PIKFYVE: variants seen among roughly 807,000 people sequenced by gnomAD.
PIKFYVE encodes 1-phosphatidylinositol 3-phosphate 5-kinase.
In PIKFYVE, 122 loss-of-function variants were observed where a neutral mutation model predicts 257.9. The ratio of observed to expected loss-of-function variants is 0.47; its 90% CI spans 0.41 to 0.55. The LOEUF (loss-of-function observed/expected upper bound fraction) is 0.55. Among genes scored for constraint, PIKFYVE ranks in the 20% least tolerant of loss-of-function variants. PIKFYVE has a pLI of 0.00. For missense variants in PIKFYVE, 2,160 were observed against 2,536.6 expected (o/e 0.85, Z 3.19); for synonymous variants, 892 against 868.9 (o/e 1.03, Z -0.47).
At chr2:208,299,187 A>G (rs1693371156) in intron 8 of PIKFYVE, among the ~76,000 whole-genome samples, 1 of 152,202 alleles carries the variant, frequency 6.6e-6, no homozygotes, top group African/African-American at 2.4e-5. Flanking sequence ...ATAGCATATC[A>G]GTTAAACAGA....
chr2:208,295,515 A>G (rs367786406), intron 7 of PIKFYVE, among the ~76,000 whole-genome samples: 3 of 152,200 alleles, frequency 2.0e-5, no homozygotes, highest in East Asian at 1.9e-4. Context: ...CTGTAACAGT[A>G]TCTTAGTCTT....
rs575979546 is a variant in PIKFYVE at position 208,294,557 on chromosome 2, G to A, written c.912-4084G>A. 2.3e-4 allele frequency among the ~76,000 whole-genome samples: 35 copies of A among 152,276 alleles called. No homozygotes were observed. The South Asian group carries it at 6.8e-3, about 30-fold the overall frequency. ...ATGTAGTGATAGGATGTAGGGGGAG[G>A]TTAAGTGGTCTCTAGTCCTGTGAAT... On this transcript the variant is annotated intron_variant, in intron 7 of 41. Transcript: ENST00000264380.
Position 208,315,318 on chromosome 2 carries a change from A to T in PIKFYVE, c.1952A>T (p.Asp651Val). 6.2e-7 allele frequency: 1 copy of T among 1,614,192 alleles called. No individual in the cohort carries two copies. The highest frequency in any genetic ancestry group is 8.5e-7 in the Non-Finnish European group (1 of 1,180,018). Residue 651 changes from aspartate to valine, a missense_variant, in exon 15 of 42, where the codon GAT becomes GTT. Transcript: ENST00000264380. ...VCQVVQTVRP[D>V]VKNQDDDMDI... Reference sequence around the variant, plus strand: ...CAGGTTGTTCAGACAGTCCGACCTGATGTCAAGAACCAGGATGATGACATG... The same window carrying T: ...CAGGTTGTTCAGACAGTCCGACCTGTTGTCAAGAACCAGGATGATGACATG...
At chr2:208,338,771 A>G (rs1698418463) in intron 29 of PIKFYVE, among the ~76,000 whole-genome samples, 1 of 152,248 alleles carries the variant, frequency 6.6e-6, no homozygotes, top group Non-Finnish European at 1.5e-5. Context: ...ATAGAAATAC[A>G]TGAAATATAA....
rs942679754 is a variant in PIKFYVE at position 208,356,996 on chromosome 2, T to C, written c.*1691T>C. The stretch of plus-strand genomic sequence containing the variant: ...AGAATCAAGGCAGTAGTTTGGTATT[T>C]GGTGCTTATTAAAAATGTGGTTTGT... On this transcript the variant is annotated 3_prime_UTR_variant, in exon 42 of 42. Transcript: ENST00000264380. 1 of 152,456 alleles carries C rather than the reference T, an allele frequency of 6.6e-6. No homozygotes were observed. The highest frequency in any genetic ancestry group is 2.4e-5 in the African/African-American group (1 of 41,456). The allele number at this position is 152,456 out of a possible 1,614,324, so 9.4% of individuals were successfully genotyped here. A position where few individuals can be genotyped will look rare whatever the true frequency, so the allele number is the denominator to read the frequency against.
intron 33 of PIKFYVE, among the ~76,000 whole-genome samples, chr2:208,345,466 GTTTTTA>G (rs939180495): frequency 2.6e-5 from 4 of 152,016 alleles, no homozygotes; most frequent in Non-Finnish European, 4.4e-5. Context: ...ATGAAAAGGT[GTTTTTA>G]TTTAAAAAAT....
At chr2:208,269,459 T>A (rs1483808395) in intron 1 of PIKFYVE, 1 of 253,376 alleles carries the variant, frequency 3.9e-6, no homozygotes, top group African/African-American at 2.3e-5. Context: ...AGGACTTGTC[T>A]GAGCTCTGCT....
At position 208,344,151 on chromosome 2, in the gene PIKFYVE, CTTAGT is replaced by C. The variant is rs532179327; in HGVS notation, c.5028-956_5028-952del. Among the ~76,000 whole-genome samples, 309 of 152,258 alleles carry C rather than the reference CTTAGT, an allele frequency of 2.0e-3. 7 individuals carry two copies. The highest frequency in any genetic ancestry group is 7.1e-3 in the African/African-American group (296 of 41,552). ...TAAGAACATCTTGGTGGTAGCTGAA[CTTAGT>C]TTAAATAGAATCTAAGATGTTTAAA... On this transcript the variant is annotated intron_variant, in intron 32 of 41. Coordinates refer to ENST00000264380, the MANE Select transcript of PIKFYVE (RefSeq NM_015040.4).
At chr2:208,331,578 C>T (rs565508955) in intron 23 of PIKFYVE, among the ~76,000 whole-genome samples, 2 of 152,250 alleles carry the variant, frequency 1.3e-5, no homozygotes, top group African/African-American at 4.8e-5. Flanking sequence ...GGTTTCACTA[C>T]GTTAGCCAGG....
chr2:208,342,598 C>G lies in PIKFYVE; in HGVS notation c.4976C>G (p.Pro1659Arg). The part of the protein sequence containing the change: ...HYLMYEHERV[P>R]IAVCEKEPSS... ...TTAATGTATGAACATGAACGAGTGC[C>G]CATTGCAGTCTGCGAGAAGGAACCC... Residue 1659 changes from proline (P) to arginine (R), a missense_variant, in exon 32 of 42, where the codon CCC becomes CGC. Physicochemically the swap from Pro to Arg is moderately radical, Grantham distance 103 (BLOSUM62 -2). Transcript: ENST00000264380. The G allele has an allele frequency of 6.2e-7, 1 of 1,613,892 alleles. No homozygotes were observed. The highest frequency in any genetic ancestry group is 8.5e-7 in the Non-Finnish European group (1 of 1,179,928).
At chr2:208,315,404 G>A in intron 15 of PIKFYVE, 31 bp downstream of exon 15, 1 of 1,610,254 alleles carries the variant, frequency 6.2e-7, no homozygotes. Context: ...ACTAATGCTA[G>A]GAACTGATGA....
chr2:208,317,820 A>G, intron 15 of PIKFYVE, 47 bp from the exon 16 acceptor site: 1 of 1,487,706 alleles, frequency 6.7e-7, no homozygotes, highest in Non-Finnish European at 9.4e-7. Context: ...ACTAGATTCT[A>G]AGCATGTTAT....
chr2:208,281,440 A>G (rs1690796520), intron 5 of PIKFYVE, among the ~76,000 whole-genome samples: 3 of 152,272 alleles, frequency 2.0e-5, no homozygotes, highest in Admixed American at 6.5e-5. Flanking sequence ...CCATTCCCAC[A>G]TGTATTTCCT....
intron 12 of PIKFYVE, among the ~76,000 whole-genome samples, chr2:208,311,281 A>G (rs1694907874): frequency 6.6e-6 from 1 of 152,190 alleles, no homozygotes; most frequent in Non-Finnish European, 1.5e-5. Context: ...ATAAAGTGTA[A>G]CATCTATCTT....
Position 208,328,578 on chromosome 2 carries a change from A to G in PIKFYVE, c.3719+298A>G, listed in dbSNP as rs572490184. Among the ~76,000 whole-genome samples, 5 of 152,242 alleles carry G rather than the reference A, an allele frequency of 3.3e-5. No individual in the cohort carries two copies. In the East Asian group the frequency reaches 7.7e-4, roughly 24 times the overall value. ...ATGCTTGGGACCAGAAGTGTTTTGG[A>G]TTTAATATTTTTTCAAATTTGGAAA... On this transcript the variant is annotated intron_variant, in intron 21 of 41. Transcript: ENST00000264380.
chr2:208,312,758 T>C (rs984091040), intron 13 of PIKFYVE, among the ~76,000 whole-genome samples: 2 of 105,666 alleles, frequency 1.9e-5, no homozygotes, highest in Admixed American at 2.0e-4. Context: ...TAAATTTCTT[T>C]TGGACACAAA....
chr2:208,318,065 A>G, intron 16 of PIKFYVE, 124 bp downstream of exon 16: 2 of 1,013,400 alleles, frequency 2.0e-6, no homozygotes, highest in African/African-American at 1.6e-5. Flanking sequence ...TGTGTCTGCC[A>G]TAGGGGTGAA....
chr2:208,268,824 T>G (rs1033744453), intron 1 of PIKFYVE, among the ~76,000 whole-genome samples: 1 of 151,936 alleles, frequency 6.6e-6, no homozygotes, highest in African/African-American at 2.4e-5. Flanking sequence ...TTGCCAAAAT[T>G]CTGTTTAAGT....
chr2:208,295,593 C>G (rs993832487), intron 7 of PIKFYVE, among the ~76,000 whole-genome samples: 3 of 152,142 alleles, frequency 2.0e-5, no homozygotes, highest in African/African-American at 7.2e-5. Flanking sequence ...CAAAAGCTTC[C>G]TATGATTAGA....
Sources: gnomAD v4.1 joint callset for allele counts (sites outside exome capture counted in the v4.1 genomes callset) on GRCh38, gnomAD v4.1.1 for gene constraint, MANE v1.5 for transcripts, NCBI Gene and HGNC (gene_info 2026-07-23, HGNC 2026-07-21) for gene names.